Variants in CUBN observed in about 807,000 individuals in gnomAD.
CUBN encodes the protein cubilin, also known as 460 kDa receptor.
Under a neutral mutation model 405.3 loss-of-function variants are expected in CUBN, and 282 were observed. The ratio of observed to expected loss-of-function variants is 0.70; its 90% CI spans 0.63 to 0.77. The LOEUF (loss-of-function observed/expected upper bound fraction) is 0.77, where lower values mean the gene tolerates loss of function less well. CUBN is among the 30% of genes least tolerant of loss of function. The pLI, the probability that CUBN is intolerant of heterozygous loss-of-function variation, is 0.00. For missense variants in CUBN, 4,514 were observed against 4,475.2 expected, an observed-to-expected ratio of 1.01 and a Z score of -0.25; for synonymous variants, 1,684 against 1,617.0, an observed-to-expected ratio of 1.04 and a Z score of -0.99.
chr10:17,114,252 A>C, intron 7 of CUBN, 63 bp from the exon 8 acceptor site: 1 of 1,522,764 alleles, frequency 6.6e-7, no homozygotes, highest in Non-Finnish European at 9.0e-7. Context: ...AAGCCTTTGA[A>C]CATTTCATCA....
intron 51 of CUBN, among the ~76,000 whole-genome samples, chr10:16,902,479 A>C (rs983331324): frequency 2.6e-5 from 4 of 151,686 alleles, no homozygotes; most frequent in African/African-American, 9.7e-5. Context: ...ATTGAAAAAA[A>C]AATACATTTC....
chr10:17,000,767 G>T (rs1015324938), intron 28 of CUBN, among the ~76,000 whole-genome samples: 1 of 152,222 alleles, frequency 6.6e-6, no homozygotes, highest in African/African-American at 2.4e-5. Context: ...GGATGTGTAA[G>T]TTTGGACACA....
chr10:16,979,936 C>A (rs555037336), intron 31 of CUBN, among the ~76,000 whole-genome samples: 1 of 152,230 alleles, frequency 6.6e-6, no homozygotes, highest in East Asian at 1.9e-4. Flanking sequence ...TTTTTGCAAT[C>A]TATCCAGCTG....
intron 45 of CUBN, 63 bp from the exon 46 acceptor site, chr10:16,916,093 T>C (rs1841877036): frequency 1.3e-6 from 2 of 1,539,556 alleles, no homozygotes; most frequent in Admixed American, 3.5e-5. Context: ...ATTGATTCTA[T>C]TACAAATTTT....
chr10:17,038,422 A>G (rs1834944668), intron 27 of CUBN, among the ~76,000 whole-genome samples: 1 of 152,126 alleles, frequency 6.6e-6, no homozygotes, highest in South Asian at 2.1e-4. Flanking sequence ...TTATTTCCAG[A>G]TCTGAAATAT....
intron 53 of CUBN, 110 bp downstream of exon 53, chr10:16,900,515 C>T: frequency 1.1e-6 from 1 of 874,366 alleles, no homozygotes. Context: ...ATGACATGTG[C>T]AAATATTTAG....
chr10:17,009,498 A>G (rs1024879961), intron 28 of CUBN, among the ~76,000 whole-genome samples: 2 of 152,246 alleles, frequency 1.3e-5, no homozygotes, highest in South Asian at 2.1e-4. Context: ...TGACCGTTCA[A>G]TCAAGCTCCT....
At chr10:17,063,850 T>C (rs1461019614) in intron 22 of CUBN, among the ~76,000 whole-genome samples, 1 of 152,204 alleles carries the variant, frequency 6.6e-6, no homozygotes, top group Non-Finnish European at 1.5e-5. Context: ...CCAGAAGTCA[T>C]CTCTCGAAGA....
intron 14 of CUBN, among the ~76,000 whole-genome samples, chr10:17,094,287 G>A (rs1160594640): frequency 1.3e-5 from 2 of 151,986 alleles, no homozygotes; most frequent in African/African-American, 4.8e-5. Context: ...AGAGCTAATA[G>A]GAAATGGTCA....
rs745530982 is a variant in CUBN at position 17,114,238 on chromosome 10, A to G, written c.721-49T>C. On this transcript the variant is annotated intron_variant, in intron 7 of 66. Coordinates refer to ENST00000377833, the MANE Select transcript of CUBN (RefSeq NM_001081.4). Reference sequence around the variant, plus strand: ...ATAAAGACAATCATGAAAATCAGCAAGAAAAGCCTTTGAACATTTCATCAA... The same window carrying G: ...ATAAAGACAATCATGAAAATCAGCAGGAAAAGCCTTTGAACATTTCATCAA... 9 of 1,591,172 alleles carry G rather than the reference A, an allele frequency of 5.7e-6. No homozygotes were observed. In the Admixed American group the frequency reaches 6.8e-5, roughly 12 times the overall value.
At position 16,990,311 on chromosome 10, in the gene CUBN, G is replaced by GA. The variant is rs755860932; in HGVS notation, c.4350+22dup. The GA allele has an allele frequency of 4.3e-6, 7 of 1,613,176 alleles. No homozygotes were observed. The East Asian group carries it at 1.1e-4, about 26-fold the overall frequency. On this transcript the variant is annotated intron_variant, in intron 29 of 66. Coordinates refer to ENST00000377833, the MANE Select transcript of CUBN (RefSeq NM_001081.4). ...TCTACCCCAAACTTTGGAATGTGCT[G>GA]AAAAAACCATCTCACTTCCTACCTC... is the stretch of plus-strand genomic sequence containing the variant.
chr10:16,908,766 A>C (rs1299627327), intron 48 of CUBN, among the ~76,000 whole-genome samples: 1 of 152,052 alleles, frequency 6.6e-6, no homozygotes, highest in African/African-American at 2.4e-5. Flanking sequence ...TGATATTCCC[A>C]TTTTTAAAAG....
rs575056608 is a variant in CUBN at position 16,897,514 on chromosome 10, C to T, written c.8598+1482G>A. 5.3e-5 allele frequency among the ~76,000 whole-genome samples: 8 copies of T among 152,110 alleles called. No individual in the cohort carries two copies. In the East Asian group the frequency reaches 5.8e-4, roughly 11 times the overall value. On this transcript the variant is annotated intron_variant, in intron 54 of 66. Coordinates refer to ENST00000377833, the MANE Select transcript of CUBN (RefSeq NM_001081.4). ...AGTAATTTTCCCCTACCAATACCCCCGGGTACCTCAATGTCTCTGGGTGGA... is the reference window on the plus strand; with the variant it reads ...AGTAATTTTCCCCTACCAATACCCCTGGGTACCTCAATGTCTCTGGGTGGA...
intron 12 of CUBN, among the ~76,000 whole-genome samples, chr10:17,103,977 A>G (rs916121676): frequency 6.6e-6 from 1 of 152,160 alleles, no homozygotes; most frequent in East Asian, 1.9e-4. Flanking sequence ...ATTGAGTGAG[A>G]CTTGGTTATA....
intron 31 of CUBN, among the ~76,000 whole-genome samples, chr10:16,980,213 G>A (rs1833224008): frequency 6.6e-6 from 1 of 152,222 alleles, no homozygotes; most frequent in South Asian, 2.1e-4. Flanking sequence ...CAAGGATGTG[G>A]AGAAATAGGA....
chr10:17,056,928 A>C (rs1419286339), intron 22 of CUBN, among the ~76,000 whole-genome samples: 1 of 152,198 alleles, frequency 6.6e-6, no homozygotes, highest in African/African-American at 2.4e-5. Flanking sequence ...ATGAATTGTC[A>C]AAAAGCACGT....
intron 28 of CUBN, among the ~76,000 whole-genome samples, chr10:16,993,300 C>T (rs1833644934): frequency 6.6e-6 from 1 of 152,160 alleles, no homozygotes; most frequent in Non-Finnish European, 1.5e-5. Context: ...ATTTAGCATT[C>T]GTTCATCAGC....
Position 16,937,634 on chromosome 10 carries a change from C to A in CUBN, c.5884G>T (p.Ala1962Ser), listed in dbSNP as rs989640464. Residue 1962 changes from alanine to serine, a missense_variant, in exon 39 of 67, where the codon GCA becomes TCA. Physicochemically the swap from Ala to Ser is moderately conservative, Grantham distance 99. This residue lies in a region of CUBN where 1,613 missense variants were observed against 1,542.8 expected (regional missense o/e 1.05). Coordinates refer to ENST00000377833, the MANE Select transcript of CUBN (RefSeq NM_001081.4). ...AAAACACCATCAGGTGCATCCACTGCAAACCACTCCAGAAGGAATCCCTTC... is the reference window on the plus strand; with the variant it reads ...AAAACACCATCAGGTGCATCCACTGAAAACCACTCCAGAAGGAATCCCTTC... The part of the protein sequence containing the change: ...SGKGFLLEWF[A>S]VDAPDGVLPT... The A allele has an allele frequency of 6.2e-7, 1 of 1,614,038 alleles. No homozygotes were observed. The highest frequency in any genetic ancestry group is 2.2e-5 in the East Asian group (1 of 44,850).
At chr10:17,023,336 T>A (rs1228394348) in intron 27 of CUBN, among the ~76,000 whole-genome samples, 1 of 150,926 alleles carries the variant, frequency 6.6e-6, no homozygotes, top group African/African-American at 2.4e-5. Context: ...TTAAATATAA[T>A]GTCCAATCTA....
Sources: allele counts gnomAD v4.1 joint callset (sites outside exome capture counted in the v4.1 genomes callset), GRCh38; gene constraint gnomAD v4.1.1; regional missense constraint gnomAD v4.1.1; transcripts MANE v1.5; gene names NCBI Gene and HGNC (gene_info 2026-07-23, HGNC 2026-07-21).